The following SLC9A6 variants were observed in gnomAD, a reference collection of about 807,000 sequenced individuals.
SLC9A6 encodes solute carrier family 9 member A6.
In SLC9A6, 6 loss-of-function variants were observed where a neutral mutation model predicts 45.3. That is an observed-to-expected ratio of 0.13 (90% CI 0.07 to 0.26). SLC9A6 has a LOEUF of 0.26. Ranked by LOEUF, SLC9A6 falls within the 10% of genes least tolerant of loss-of-function variation. The probability of loss-of-function intolerance (pLI) is 1.00; values close to 1 mark genes in which losing one functional copy is unlikely to be tolerated. For missense variants in SLC9A6, 278 were observed against 503.7 expected, an observed-to-expected ratio of 0.55 and a Z score of 4.29; for synonymous variants, 191 against 187.7, an observed-to-expected ratio of 1.02 and a Z score of -0.14.
chrX:136,041,189 A>G (rs1556622556), intron 17 of SLC9A6, among the ~76,000 whole-genome samples: 1 of 111,956 alleles, frequency 8.9e-6, no homozygotes, highest in East Asian at 2.8e-4. Context: ...CTATGACATC[A>G]TATAGGCTCC....
At position 136,023,187 on chromosome X, in the gene SLC9A6, A is replaced by ATG. The variant is rs2071166399; in HGVS notation, c.1306+491_1306+492insGT. 4.0e-4 allele frequency among the ~76,000 whole-genome samples: 15 copies of ATG among 37,121 alleles called. 1 individual carries two copies. The highest frequency in any genetic ancestry group is 2.3e-3 in the African/African-American group (15 of 6,605). The allele number at this position is 37,121 out of a possible 115,157, so 32.2% of individuals were successfully genotyped here. A position where few individuals can be genotyped will look rare whatever the true frequency, so the allele number is the denominator to read the frequency against. ...TGTATATATATATATATATATATAT[A>ATG]TATATATATATATATATATATATAT... is the stretch of plus-strand genomic sequence containing the variant. On this transcript the variant is annotated intron_variant, in intron 12 of 17. Transcript: ENST00000630721.
At position 135,985,728 on chromosome X, in the gene SLC9A6, A is replaced by G; in HGVS notation, c.70A>G (p.Ile24Val). ...CCGGCAGGACAGCGCCAACCTGCTC[A>G]TCTTCATCCTGCTGCTCACCCTCAC... ...SHRQDSANLL[I>V]FILLLTLTIL... is the part of the protein sequence containing the mutation. Residue 24 changes from isoleucine (I) to valine (V), a missense_variant, in exon 2 of 18, where the codon ATC becomes GTC. Ile to Val is a conservative substitution (Grantham distance 29). This residue lies in a region of SLC9A6 where 118 missense variants were observed against 209.9 expected (regional missense o/e 0.56). Coordinates refer to ENST00000630721, the MANE Select transcript of SLC9A6 (RefSeq NM_001379110.1). 8.3e-7 allele frequency: 1 copy of G among 1,211,647 alleles called. No homozygotes were observed. The highest frequency in any genetic ancestry group is 3.0e-5 in the East Asian group (1 of 33,798).
Position 136,040,149 on chromosome X carries a change from G to T in SLC9A6, c.1735G>T (p.Ala579Ser), listed in dbSNP as rs782109482. The change falls in exon 17 of 18, where the codon GCC (alanine) becomes TCC (serine). Residue 579 changes from alanine to serine, a missense_variant. This residue lies in a region of SLC9A6 where 91 missense variants were observed against 125.1 expected (regional missense o/e 0.73). Coordinates refer to ENST00000630721, the MANE Select transcript of SLC9A6 (RefSeq NM_001379110.1). ...ACTCCCTGCCTGCTGTGGACCCATCGCCAGGTGCCTCACCAGCCCCCAGGC... is the reference window on the plus strand; with the variant it reads ...ACTCCCTGCCTGCTGTGGACCCATCTCCAGGTGCCTCACCAGCCCCCAGGC... Reference protein sequence around the residue: ...TTLPACCGPIARCLTSPQAYE... With the variant: ...TTLPACCGPISRCLTSPQAYE... The T allele has an allele frequency of 8.3e-7, 1 of 1,210,181 alleles. No individual in the cohort carries two copies. The highest frequency in any genetic ancestry group is 2.2e-5 in the Admixed American group (1 of 46,017).
chrX:135,982,479 C>T (rs1387641288), upstream of SLC9A6, among the ~76,000 whole-genome samples: 6 of 105,731 alleles, frequency 5.7e-5, no homozygotes, highest in Admixed American at 2.0e-4. Flanking sequence ...ACAGTTTGGT[C>T]AATTCGCTTT....
intron 10 of SLC9A6, among the ~76,000 whole-genome samples, chrX:136,015,077 C>T (rs2070994709): frequency 9.0e-6 from 1 of 111,359 alleles, no homozygotes; most frequent in African/African-American, 3.3e-5. Flanking sequence ...CAGAGGGTGG[C>T]GGACTCCAGC....
rs370997184 is a variant in SLC9A6 at position 136,000,813 on chromosome X, A to G, written c.638-1295A>G. On this transcript the variant is annotated intron_variant, in intron 6 of 17. Coordinates refer to ENST00000630721, the MANE Select transcript of SLC9A6 (RefSeq NM_001379110.1). ...GTATATTCCAGCTGCAATGCTTTGT[A>G]GTAGAAACTATATCTTTTAAAATAT... Among the ~76,000 whole-genome samples, 37 of 110,842 alleles carry G rather than the reference A, an allele frequency of 3.3e-4. No individual in the cohort carries two copies. The South Asian group carries it at 0.013, about 40-fold the overall frequency.
Position 136,033,465 on chromosome X carries a change from T to C in SLC9A6, c.1633T>C (p.Phe545Leu). 1 of 1,180,319 alleles carries C rather than the reference T, an allele frequency of 8.5e-7. No individual in the cohort carries two copies. The highest frequency in any genetic ancestry group is 1.1e-6 in the Non-Finnish European group (1 of 871,345). The change falls in exon 16 of 18, where the codon TTC (phenylalanine) becomes CTC (leucine). Residue 545 changes from phenylalanine (F) to leucine (L), a missense_variant. By Grantham distance (22) the Phe-to-Leu change is conservative. Coordinates refer to ENST00000630721, the MANE Select transcript of SLC9A6 (RefSeq NM_001379110.1). Reference protein sequence around the residue: ...RTTKAESAWLFRMWYNFDHNY... With the variant: ...RTTKAESAWLLRMWYNFDHNY... ...TACCAAAGCAGAGAGTGCTTGGCTT[T>C]TCCGGATGTGGTACAACTTTGATCA...
Position 136,040,072 on chromosome X carries a change from G to A in SLC9A6, c.1662-4G>A, listed in dbSNP as rs188072063. 0.011 allele frequency: 12,697 copies of A among 1,197,139 alleles called. 45 individuals carry two copies. The highest frequency in any genetic ancestry group is 0.013 in the Non-Finnish European group (11,441 of 883,967). ...GGACCACAGCTCTTCCTTAACCACC[G>A]CAGCTATCTGAAGCCTCTGCTGACC... On this transcript the variant is annotated splice_polypyrimidine_tract_variant and splice_region_variant and intron_variant, in intron 16 of 17. Transcript: ENST00000630721.
rs1556620935 is a variant in SLC9A6 at position 136,030,128 on chromosome X, T to C, written c.1551-4T>C. 2 of 1,209,137 alleles carry C rather than the reference T, an allele frequency of 1.7e-6. No homozygotes were observed. Among genetic ancestry groups the C allele is most frequent in the African/African-American group, 3.5e-5 (2 of 57,327 alleles). Reference sequence around the variant, plus strand: ...CTCATTTGCTCTTTGTCTTTCTCCTTTAGGGTTGGTGTTGATTCAGACCAA... The same window carrying C: ...CTCATTTGCTCTTTGTCTTTCTCCTCTAGGGTTGGTGTTGATTCAGACCAA... On this transcript the variant is annotated splice_polypyrimidine_tract_variant and splice_region_variant and intron_variant, in intron 14 of 17. Transcript: ENST00000630721.
intron 16 of SLC9A6, among the ~76,000 whole-genome samples, chrX:136,034,759 T>A (rs1194974825): frequency 1.8e-5 from 2 of 111,994 alleles, no homozygotes; most frequent in East Asian, 5.6e-4. Context: ...ATTAAATTAT[T>A]GTATGGAAAC....
chrX:136,023,166 T>C (rs1344627680), intron 12 of SLC9A6, among the ~76,000 whole-genome samples: 1 of 720 alleles, frequency 1.4e-3, no homozygotes, highest in Non-Finnish European at 5.0e-3. Flanking sequence ...AGAAAATGTA[T>C]ATATATATAT....
chrX:135,998,641 A>G, intron 5 of SLC9A6, 83 bp downstream of exon 5: 4 of 775,826 alleles, frequency 5.2e-6, no homozygotes, highest in Middle Eastern at 4.4e-4. Context: ...GCAGTGTTAT[A>G]TATTCCTGAC....
intron 7 of SLC9A6, 27 bp from the exon 8 acceptor site, chrX:136,010,415 G>C: frequency 2.5e-6 from 3 of 1,207,604 alleles, no homozygotes; most frequent in Non-Finnish European, 3.4e-6. Context: ...GTTGTTTTCA[G>C]AAGTAAAAGC....
At chrX:135,985,054 A>C (rs2089309619), upstream of SLC9A6, 1 of 112,829 alleles carries the variant, frequency 8.9e-6, no homozygotes, top group African/African-American at 3.3e-5. Context: ...ATTTAAATTT[A>C]AATTACAGAG....
At position 136,046,851 on chromosome X, in the gene SLC9A6, A is replaced by T. The variant is rs10493; in HGVS notation, c.*2127A>T. Reference sequence around the variant, plus strand: ...ATGAACTTTGATGAAGTACAGTCTGAGTTACCATCATGCACAAGTAGAACT... The same window carrying T: ...ATGAACTTTGATGAAGTACAGTCTGTGTTACCATCATGCACAAGTAGAACT... On this transcript the variant is annotated 3_prime_UTR_variant, in exon 18 of 18. Coordinates refer to ENST00000630721, the MANE Select transcript of SLC9A6 (RefSeq NM_001379110.1). 8.9e-3 allele frequency: 999 copies of T among 112,829 alleles called. 3 individuals carry two copies. Among genetic ancestry groups the T allele is most frequent in the Non-Finnish European group, 0.015 (783 of 53,330 alleles). 9.3% of individuals were successfully genotyped at this position (112,829 alleles called of 1,213,427 possible).
At chrX:136,025,697 C>G (rs1351131707) in intron 13 of SLC9A6, among the ~76,000 whole-genome samples, 1 of 111,870 alleles carries the variant, frequency 8.9e-6, no homozygotes, top group Non-Finnish European at 1.9e-5. Flanking sequence ...ACATATTTAT[C>G]CAAACATGAT....
At chrX:136,000,293 A>G (rs2089563259) in intron 6 of SLC9A6, among the ~76,000 whole-genome samples, 1 of 100,535 alleles carries the variant, frequency 9.9e-6, no homozygotes, top group Admixed American at 1.1e-4. Context: ...ATTTTAAAGG[A>G]TTAGTTAGAG....
chrX:136,035,924 T>A (rs1245899050), intron 16 of SLC9A6, among the ~76,000 whole-genome samples: 1 of 107,130 alleles, frequency 9.3e-6, no homozygotes, highest in East Asian at 2.9e-4. Flanking sequence ...CAGCTATTTT[T>A]TTTTTTTTTT....
At chrX:136,031,471 G>A (rs1265559764) in intron 15 of SLC9A6, among the ~76,000 whole-genome samples, 6 of 112,160 alleles carry the variant, frequency 5.3e-5, no homozygotes, top group African/African-American at 1.6e-4. Flanking sequence ...AGGCCAAAGC[G>A]GGTGGATCAC....
Sources: gnomAD v4.1 joint callset for allele counts (sites outside exome capture counted in the v4.1 genomes callset) on GRCh38, gnomAD v4.1.1 for gene constraint, gnomAD v4.1.1 regional missense constraint, MANE v1.5 for transcripts, NCBI Gene and HGNC (gene_info 2026-07-23, HGNC 2026-07-21) for gene names.